Variants in ASIC2 observed in about 807,000 individuals in gnomAD.
ASIC2 encodes acid-sensing ion channel 2.
ASIC2 carries 25 observed loss-of-function variants against 57.3 expected under a neutral mutation model. That is an observed-to-expected ratio of 0.44 (90% CI 0.32 to 0.61). The LOEUF is 0.61. Among genes scored for constraint, ASIC2 ranks in the 20% least tolerant of loss-of-function variants. The pLI is 0.06. For missense variants in ASIC2, 641 were observed against 738.1 expected, an observed-to-expected ratio of 0.87 and a Z score of 1.52; for synonymous variants, 319 against 307.5, an observed-to-expected ratio of 1.04 and a Z score of -0.39.
At chr17:33,667,747 A>G (rs1907520996) in intron 1 of ASIC2, among the ~76,000 whole-genome samples, 1 of 152,230 alleles carries the variant, frequency 6.6e-6, no homozygotes, top group African/African-American at 2.4e-5. Flanking sequence ...CTTCTTACTC[A>G]GCTGAAAGCA....
At chr17:33,208,480 T>C (rs549134456) in intron 1 of ASIC2, among the ~76,000 whole-genome samples, 5 of 152,092 alleles carry the variant, frequency 3.3e-5, no homozygotes, top group African/African-American at 1.2e-4. Context: ...TCATTCTTGC[T>C]GGCACTTTGC....
At chr17:33,524,705 C>A (rs900218965) in intron 1 of ASIC2, among the ~76,000 whole-genome samples, 23 of 152,050 alleles carry the variant, frequency 1.5e-4, no homozygotes, top group African/African-American at 5.6e-4. Flanking sequence ...AGTCCCTCCA[C>A]CTCCATCCAC....
intron 1 of ASIC2, among the ~76,000 whole-genome samples, chr17:33,946,301 G>A (rs1431073609): frequency 6.7e-6 from 1 of 148,866 alleles, no homozygotes; most frequent in Non-Finnish European, 1.5e-5. Flanking sequence ...AAAGACGACT[G>A]GGACAGGTTG....
chr17:33,832,342 C>T (rs1913139426), intron 1 of ASIC2, among the ~76,000 whole-genome samples: 1 of 152,200 alleles, frequency 6.6e-6, no homozygotes, highest in Non-Finnish European at 1.5e-5. Context: ...CCTAGGAAGG[C>T]CAGGCATTCA....
chr17:33,799,041 C>G (rs1912002542), intron 1 of ASIC2, among the ~76,000 whole-genome samples: 1 of 152,174 alleles, frequency 6.6e-6, no homozygotes, highest in South Asian at 2.1e-4. Flanking sequence ...GATTTCTGTC[C>G]AGAGGCCCCA....
At chr17:33,337,398 T>G (rs780181164) in intron 1 of ASIC2, among the ~76,000 whole-genome samples, 1 of 149,808 alleles carries the variant, frequency 6.7e-6, no homozygotes, top group Non-Finnish European at 1.5e-5. Context: ...CCCAAAGGCA[T>G]GTAATAGTGA....
chr17:33,017,071 C>T (rs1421625114), intron 8 of ASIC2, among the ~76,000 whole-genome samples: 1 of 152,186 alleles, frequency 6.6e-6, no homozygotes, highest in Non-Finnish European at 1.5e-5. Context: ...TGTCAGCAGC[C>T]GGGGCGGCTG....
chr17:33,271,792 T>G (rs949280854), intron 1 of ASIC2, among the ~76,000 whole-genome samples: 4 of 152,242 alleles, frequency 2.6e-5, no homozygotes, highest in African/African-American at 9.6e-5. Flanking sequence ...GAAGTCAGAA[T>G]GATATTCTTG....
chr17:33,482,019 T>A (rs1328456512), intron 1 of ASIC2, among the ~76,000 whole-genome samples: 1 of 152,258 alleles, frequency 6.6e-6, no homozygotes. Flanking sequence ...CTTCTCCTGA[T>A]ATCCATGACC....
chr17:33,810,874 T>C (rs34539516), intron 1 of ASIC2, among the ~76,000 whole-genome samples: 13 of 150,012 alleles, frequency 8.7e-5, no homozygotes, highest in East Asian at 2.0e-4. Flanking sequence ...CACACACACA[T>C]ACACACACAC....
At chr17:33,513,953 C>A (rs560468457) in intron 1 of ASIC2, among the ~76,000 whole-genome samples, 22 of 152,184 alleles carry the variant, frequency 1.4e-4, no homozygotes, top group Non-Finnish European at 2.5e-4. Flanking sequence ...GGGAGGGCAC[C>A]AACACTGCCC....
rs144250669 is a variant in ASIC2 at position 33,961,128 on chromosome 17, T to C, written c.555+194850A>G. On this transcript the variant is annotated intron_variant, in intron 1 of 9. Transcript: ENST00000359872. ...CACAGGGAAGGGAAAGGAAGGAAAA[T>C]CTATGTGGAAACTGAGAACAGAAGA... 3.7e-4 allele frequency among the ~76,000 whole-genome samples: 56 copies of C among 152,062 alleles called. 4 individuals are homozygous for C. In the East Asian group the frequency reaches 0.011, roughly 29 times the overall value.
intron 1 of ASIC2, among the ~76,000 whole-genome samples, chr17:33,435,476 T>C (rs1356590155): frequency 6.6e-6 from 1 of 152,144 alleles, no homozygotes; most frequent in African/African-American, 2.4e-5. Flanking sequence ...TTAAAATGCA[T>C]CACACATATT....
Position 33,292,173 on chromosome 17 carries a change from G to C in ASIC2, c.-58C>G, listed in dbSNP as rs973856482. The C allele has an allele frequency of 9.8e-6, 10 of 1,017,416 alleles. No individual in the cohort carries two copies. The highest frequency in any genetic ancestry group is 1.2e-5 in the Non-Finnish European group (10 of 853,158). The allele number at this position is 1,017,416 out of a possible 1,614,324, so 63.0% of individuals were successfully genotyped here. Reference sequence around the variant, plus strand: ...GGCCCCGGCCGGGCGGAGCCGCCATGGGAGTCCGCAGCAGCAGTGGAAGCA... The same window carrying C: ...GGCCCCGGCCGGGCGGAGCCGCCATCGGAGTCCGCAGCAGCAGTGGAAGCA... On this transcript the variant is annotated 5_prime_UTR_variant, in exon 1 of 10. Transcript: ENST00000225823.
chr17:33,946,551 A>C (rs1035952540), intron 1 of ASIC2, among the ~76,000 whole-genome samples: 3 of 152,236 alleles, frequency 2.0e-5, no homozygotes, highest in Non-Finnish European at 4.4e-5. Context: ...GTGCAGGCAC[A>C]GTGCTCAATG....
chr17:33,666,810 C>T (rs531515107), intron 1 of ASIC2, among the ~76,000 whole-genome samples: 2 of 152,282 alleles, frequency 1.3e-5, no homozygotes, highest in African/African-American at 4.8e-5. Context: ...AGGTCTGCTG[C>T]CCCAGAATCG....
At chr17:34,155,239 G>A (rs1486704697) in intron 1 of ASIC2, among the ~76,000 whole-genome samples, 1 of 152,052 alleles carries the variant, frequency 6.6e-6, no homozygotes, top group Non-Finnish European at 1.5e-5. Context: ...CACCCTCACA[G>A]GCATCTCCCT....
chr17:33,610,720 T>A (rs139285490), intron 1 of ASIC2, among the ~76,000 whole-genome samples: 14 of 149,850 alleles, frequency 9.3e-5, no homozygotes, highest in African/African-American at 2.0e-4. Context: ...AAATAAAAAA[T>A]AAATAAATAA....
chr17:33,518,805 T>A (rs1914649045), intron 1 of ASIC2, among the ~76,000 whole-genome samples: 1 of 152,058 alleles, frequency 6.6e-6, no homozygotes, highest in Non-Finnish European at 1.5e-5. Flanking sequence ...AATCCCACAG[T>A]GGCCCTGTGA....
Sources: gnomAD v4.1 joint callset for allele counts (sites outside exome capture counted in the v4.1 genomes callset) on GRCh38, gnomAD v4.1.1 for gene constraint, MANE v1.5 for transcripts, NCBI Gene and HGNC (gene_info 2026-07-23, HGNC 2026-07-21) for gene names.